Variants in ANTXR1 observed in about 807,000 individuals in gnomAD.
ANTXR1 encodes the protein anthrax toxin receptor 1.
ANTXR1 carries 19 observed loss-of-function variants against 78.1 expected under a neutral mutation model. That is an observed-to-expected ratio of 0.24 (90% CI 0.17 to 0.36). The LOEUF (loss-of-function observed/expected upper bound fraction) is 0.36, where lower values mean the gene tolerates loss of function less well. ANTXR1 is among the 10% of genes least tolerant of loss of function. The pLI is 1.00. For synonymous variants in ANTXR1, 273 were observed against 260.5 expected, an observed-to-expected ratio of 1.05 and a Z score of -0.46; for missense variants, 518 against 718.6, an observed-to-expected ratio of 0.72 and a Z score of 3.19.
chr2:69,134,641 C>A (rs1409685078), intron 12 of ANTXR1, among the ~76,000 whole-genome samples: 1 of 152,140 alleles, frequency 6.6e-6, no homozygotes, highest in Non-Finnish European at 1.5e-5. Context: ...TAAATACTAC[C>A]AGTCCTATAC....
intron 17 of ANTXR1, among the ~76,000 whole-genome samples, chr2:69,235,673 A>C (rs1262516557): frequency 6.8e-6 from 1 of 146,240 alleles, no homozygotes; most frequent in African/African-American, 2.7e-5. Flanking sequence ...AAAAAAAAAA[A>C]GAATAGACTC....
chr2:69,037,644 A>G (rs563205674), intron 1 of ANTXR1, among the ~76,000 whole-genome samples: 20 of 151,900 alleles, frequency 1.3e-4, no homozygotes, highest in East Asian at 5.8e-4. Flanking sequence ...TAATTTTTGT[A>G]TTTTTAGTAG....
chr2:69,237,862 G>A (rs1202565646), intron 17 of ANTXR1, among the ~76,000 whole-genome samples: 2 of 152,002 alleles, frequency 1.3e-5, no homozygotes, highest in Non-Finnish European at 2.9e-5. Context: ...TTATATATAT[G>A]TGTGTGTGTG....
intron 10 of ANTXR1, among the ~76,000 whole-genome samples, chr2:69,110,678 G>T (rs984797580): frequency 6.6e-6 from 1 of 152,092 alleles, no homozygotes; most frequent in African/African-American, 2.4e-5. Flanking sequence ...GGCTAACACG[G>T]TGAAACCCCG....
chr2:69,149,912 T>C (rs911266460), intron 12 of ANTXR1, among the ~76,000 whole-genome samples: 2 of 152,202 alleles, frequency 1.3e-5, no homozygotes, highest in African/African-American at 4.8e-5. Flanking sequence ...CACCCATGTA[T>C]AAATGTTGCA....
intron 13 of ANTXR1, among the ~76,000 whole-genome samples, chr2:69,155,394 A>T (rs970423632): frequency 6.6e-6 from 1 of 152,138 alleles, no homozygotes; most frequent in Non-Finnish European, 1.5e-5. Flanking sequence ...TCGCATTTTC[A>T]AATAGGTAAT....
intron 12 of ANTXR1, among the ~76,000 whole-genome samples, chr2:69,143,340 A>AGG (rs1011875278): frequency 1.2e-4 from 18 of 152,298 alleles, no homozygotes; most frequent in Non-Finnish European, 1.8e-4. Context: ...GAAGGAAGAG[A>AGG]GGGAGGAAAA....
intron 17 of ANTXR1, among the ~76,000 whole-genome samples, chr2:69,220,263 C>T (rs1014419675): frequency 6.6e-6 from 1 of 152,156 alleles, no homozygotes; most frequent in African/African-American, 2.4e-5. Context: ...GTGATTTTTG[C>T]TCTCTCCTCA....
Position 69,211,944 on chromosome 2 carries a change from A to G in ANTXR1, c.1434+18529A>G, listed in dbSNP as rs545794613. On this transcript the variant is annotated intron_variant, in intron 17 of 17. Coordinates refer to ENST00000303714, the MANE Select transcript of ANTXR1 (RefSeq NM_032208.3). ...AAATTATGCTGTTCCTTCTCTTCTC[A>G]TTGTAAGTCAACCCACTCCTCTCGT... Among the ~76,000 whole-genome samples the G allele has an allele frequency of 3.9e-5, 6 of 152,194 alleles. No homozygotes were observed. In the South Asian group the frequency reaches 6.2e-4, roughly 16 times the overall value.
chr2:69,060,079 C>T lies in ANTXR1; in HGVS notation c.297-10568C>T, dbSNP rs894525388. Among the ~76,000 whole-genome samples, 4 of 152,276 alleles carry T rather than the reference C, an allele frequency of 2.6e-5. No homozygotes were observed. The South Asian group carries it at 8.3e-4, about 32-fold the overall frequency. Reference sequence around the variant, plus strand: ...CCTTTAAAAATTCCTTGATGGGCTCCTCTTTGTCAGCTTCCCTTCTGGCTC... The same window carrying T: ...CCTTTAAAAATTCCTTGATGGGCTCTTCTTTGTCAGCTTCCCTTCTGGCTC... On this transcript the variant is annotated intron_variant, in intron 3 of 17. Coordinates refer to ENST00000303714, the MANE Select transcript of ANTXR1 (RefSeq NM_032208.3).
Position 69,152,361 on chromosome 2 carries a change from G to A in ANTXR1, c.1047+97G>A, listed in dbSNP as rs1673421206. 5.6e-6 allele frequency: 7 copies of A among 1,250,346 alleles called. No individual in the cohort carries two copies. The Admixed American group carries it at 1.0e-4, about 18-fold the overall frequency. The allele number at this position is 1,250,346 out of a possible 1,614,324, so 77.5% of individuals were successfully genotyped here. On this transcript the variant is annotated intron_variant, in intron 13 of 17. Transcript: ENST00000303714. ...AAGGGATTTTTAAAAAACTAAAGATGGGAGACAAATCTTGCATTTTTTATA... is the reference window on the plus strand; with the variant it reads ...AAGGGATTTTTAAAAAACTAAAGATAGGAGACAAATCTTGCATTTTTTATA...
intron 17 of ANTXR1, among the ~76,000 whole-genome samples, chr2:69,218,458 T>C (rs997158508): frequency 1.3e-5 from 2 of 152,222 alleles, no homozygotes; most frequent in African/African-American, 4.8e-5. Flanking sequence ...CAACTCAGTG[T>C]GCCATAGCCA....
At chr2:69,014,070 A>ATTTTGT (rs1193522951) in intron 1 of ANTXR1, among the ~76,000 whole-genome samples, 2 of 152,092 alleles carry the variant, frequency 1.3e-5, no homozygotes, top group African/African-American at 2.4e-5. Context: ...CAATCGTCGC[A>ATTTTGT]TTTTGTTTTT....
chr2:69,225,767 C>T (rs540508875), intron 17 of ANTXR1, among the ~76,000 whole-genome samples: 2 of 152,304 alleles, frequency 1.3e-5, no homozygotes, highest in South Asian at 4.1e-4. Flanking sequence ...TCTTTAGCCT[C>T]TTCAGGGAGC....
At position 69,096,363 on chromosome 2, in the gene ANTXR1, A is replaced by C. The variant is rs1573872202; in HGVS notation, c.703+5444A>C. 3.5e-5 allele frequency among the ~76,000 whole-genome samples: 3 copies of C among 85,782 alleles called. 1 individual carries two copies. The highest frequency in any genetic ancestry group is 1.6e-4 in the African/African-American group (3 of 18,484). The allele number at this position is 85,782 out of a possible 152,430, so 56.3% of individuals were successfully genotyped here. On this transcript the variant is annotated intron_variant, in intron 9 of 17. Transcript: ENST00000303714. The stretch of plus-strand genomic sequence containing the variant: ...GAGGAAGGGAGGAAGGGAGGAAGGG[A>C]GGAAGGGAGGAAGGAGGGAAGGAAG...
chr2:69,087,326 C>T (rs1489142827), intron 8 of ANTXR1, among the ~76,000 whole-genome samples: 5 of 152,140 alleles, frequency 3.3e-5, no homozygotes, highest in African/African-American at 9.7e-5. Context: ...ACTTTATGCT[C>T]GTACTTCAGG....
chr2:69,086,431 C>T (rs1671052520), intron 8 of ANTXR1, among the ~76,000 whole-genome samples: 1 of 152,222 alleles, frequency 6.6e-6, no homozygotes, highest in Admixed American at 6.5e-5. Context: ...CATCCGCTGC[C>T]TCTCTTACTC....
intron 1 of ANTXR1, among the ~76,000 whole-genome samples, chr2:69,015,417 T>A (rs1028673559): frequency 2.6e-5 from 4 of 151,806 alleles, no homozygotes; most frequent in African/African-American, 9.7e-5. Context: ...GTGGATAGAG[T>A]AGAAAATCTA....
chr2:69,067,321 AGTC>A (rs1406890031), intron 3 of ANTXR1, among the ~76,000 whole-genome samples: 1 of 151,070 alleles, frequency 6.6e-6, no homozygotes, highest in Admixed American at 6.6e-5. Context: ...AAAAAAAAAA[AGTC>A]AAGAAAATAC....
Sources: allele counts gnomAD v4.1 joint callset (sites outside exome capture counted in the v4.1 genomes callset), GRCh38; gene constraint gnomAD v4.1.1; transcripts MANE v1.5; gene names NCBI Gene and HGNC (gene_info 2026-07-23, HGNC 2026-07-21).